Variants in RAB3IP observed in about 807,000 individuals in gnomAD.
RAB3IP encodes RAB3A interacting protein, also known as rab-3A-interacting protein.
In RAB3IP, 36 loss-of-function variants were observed where a neutral mutation model predicts 59.1. That is an observed-to-expected ratio of 0.61 (90% confidence interval 0.47 to 0.80). The LOEUF is 0.80. Among genes scored for constraint, RAB3IP ranks in the 30% least tolerant of loss-of-function variants. The probability of loss-of-function intolerance (pLI) is 0.00; values close to 1 mark genes in which losing one functional copy is unlikely to be tolerated. For missense variants in RAB3IP, 511 were observed against 536.0 expected (o/e 0.95, Z 0.46); for synonymous variants, 207 against 191.2 (o/e 1.08, Z -0.68).
rs983681904 is a variant in RAB3IP, at chr12:69,809,296, T to A, written c.1131-3482T>A. Among the ~76,000 whole-genome samples, 23 of 152,326 alleles carry A rather than the reference T, an allele frequency of 1.5e-4. No homozygotes were observed. The East Asian group carries it at 3.3e-3, about 22-fold the overall frequency. On this transcript the variant is annotated intron_variant, in intron 8 of 10. Coordinates refer to ENST00000247833, the MANE Select transcript of RAB3IP (RefSeq NM_022456.5). ...TGTTAGTCTGATGGGCTTCCCTTTG[T>A]GGGTAACCCGACCTTTCTCTCTGGC...
At chr12:69,746,263 T>C (rs566937982) in intron 1 of RAB3IP, among the ~76,000 whole-genome samples, 1 of 151,228 alleles carries the variant, frequency 6.6e-6, no homozygotes, top group Non-Finnish European at 1.5e-5. Context: ...GGATAAACTT[T>C]AAGCAACATT....
intron 8 of RAB3IP, among the ~76,000 whole-genome samples, chr12:69,807,290 GCGC>G (rs1772135108): frequency 6.7e-6 from 1 of 150,002 alleles, no homozygotes; most frequent in East Asian, 2.0e-4. Flanking sequence ...CCGGGCAGAG[GCGC>G]TCCTCACCTC....
At chr12:69,798,622 T>C (rs1029767213) in intron 6 of RAB3IP, among the ~76,000 whole-genome samples, 1 of 152,200 alleles carries the variant, frequency 6.6e-6, no homozygotes, top group African/African-American at 2.4e-5. Flanking sequence ...TGAATGGTAT[T>C]GCATAGGTTT....
At chr12:69,796,938 T>C (rs1167897454) in intron 6 of RAB3IP, among the ~76,000 whole-genome samples, 1 of 152,226 alleles carries the variant, frequency 6.6e-6, no homozygotes, top group East Asian at 1.9e-4. Flanking sequence ...AAAATGTGCA[T>C]AGGCAGCATA....
intron 8 of RAB3IP, among the ~76,000 whole-genome samples, chr12:69,803,383 CTAAG>C (rs375055850): frequency 7.9e-5 from 12 of 152,076 alleles, no homozygotes; most frequent in Non-Finnish European, 8.8e-5. Flanking sequence ...AAGATAATGA[CTAAG>C]TGAGTGGCAC....
intron 4 of RAB3IP, among the ~76,000 whole-genome samples, chr12:69,785,361 T>C (rs1196792693): frequency 6.6e-6 from 1 of 152,174 alleles, no homozygotes; most frequent in Non-Finnish European, 1.5e-5. Context: ...ACAGAGCCTA[T>C]ATACATATAC....
chr12:69,753,222 A>G (rs1406437349), intron 1 of RAB3IP, among the ~76,000 whole-genome samples: 1 of 152,152 alleles, frequency 6.6e-6, no homozygotes, highest in African/African-American at 2.4e-5. Context: ...CTTTGCTGAA[A>G]TCTTTTTGTT....
chr12:69,803,948 G>A (rs1451243966), intron 8 of RAB3IP, among the ~76,000 whole-genome samples: 34 of 152,222 alleles, frequency 2.2e-4, no homozygotes, highest in South Asian at 1.0e-3. Flanking sequence ...GAATAGTGCC[G>A]CAATAAACAT....
chr12:69,756,547 G>A lies in RAB3IP; in HGVS notation c.394G>A (p.Asp132Asn). The A allele has an allele frequency of 3.7e-6, 6 of 1,614,154 alleles. No homozygotes were observed. In the South Asian group the frequency reaches 4.4e-5, roughly 12 times the overall value. ...TATAACAGAGGCTTGCGATGGCAGT[G>A]ATGATATTTTTGGGTTGAGTACTGA... ...ATITEACDGS[D>N]DIFGLSTDSL... is the part of the protein sequence containing the mutation. The change falls in exon 3 of 11, where the codon GAT becomes AAT. Residue 132 changes from aspartate (D) to asparagine (N), a missense_variant. Physicochemically the swap from Asp to Asn is conservative, Grantham distance 23. Coordinates refer to ENST00000247833, the MANE Select transcript of RAB3IP (RefSeq NM_022456.5).
chr12:69,794,468 T>C lies in RAB3IP; in HGVS notation c.638T>C (p.Ile213Thr), dbSNP rs552412802. The C allele has an allele frequency of 2.5e-6, 4 of 1,613,294 alleles. No individual in the cohort carries two copies. Among genetic ancestry groups the C allele is most frequent in the Middle Eastern group, 1.7e-4 (1 of 6,054 alleles). ...CATAAAATGGTGAGAGAAGCAAATA[T>C]CAAGCAGGCAACAGCAGAAAAACAG... is the stretch of plus-strand genomic sequence containing the variant. ...EAHKMVREAN[I>T]KQATAEKQLK... is the part of the protein sequence containing the mutation. The change falls in exon 5 of 11, where the codon ATC becomes ACC. Residue 213 changes from isoleucine to threonine, a missense_variant. Physicochemically the swap from Ile to Thr is moderately conservative, Grantham distance 89. Transcript: ENST00000247833.
intron 1 of RAB3IP, among the ~76,000 whole-genome samples, chr12:69,742,534 G>A (rs1022725961): frequency 6.6e-6 from 1 of 152,114 alleles, no homozygotes; most frequent in African/African-American, 2.4e-5. Flanking sequence ...TTATTGGCAA[G>A]GTGGTCTCTT....
chr12:69,772,845 TTAGAG>T (rs769131847), intron 3 of RAB3IP, among the ~76,000 whole-genome samples: 3 of 152,190 alleles, frequency 2.0e-5, no homozygotes, highest in Non-Finnish European at 2.9e-5. Context: ...TATTACAATA[TTAGAG>T]TATTCTGAAT....
chr12:69,787,038 A>G (rs1875789743), intron 4 of RAB3IP, among the ~76,000 whole-genome samples: 1 of 152,130 alleles, frequency 6.6e-6, no homozygotes, highest in African/African-American at 2.4e-5. Flanking sequence ...TCTGTTTACC[A>G]TTGTCTTATG....
chr12:69,806,133 T>C (rs1364982093), intron 8 of RAB3IP, among the ~76,000 whole-genome samples: 1 of 152,228 alleles, frequency 6.6e-6, no homozygotes, highest in African/African-American at 2.4e-5. Context: ...GTCTGGACTT[T>C]TTTTGGTTGG....
At chr12:69,786,536 G>A (rs1875678697) in intron 4 of RAB3IP, among the ~76,000 whole-genome samples, 1 of 152,122 alleles carries the variant, frequency 6.6e-6, no homozygotes, top group Admixed American at 6.5e-5. Context: ...TTATACAGAA[G>A]CATTAGATTT....
intron 3 of RAB3IP, among the ~76,000 whole-genome samples, chr12:69,770,761 A>G (rs1477055232): frequency 1.3e-5 from 2 of 152,184 alleles, no homozygotes; most frequent in Non-Finnish European, 2.9e-5. Context: ...AGTATGGTGT[A>G]TATTTACACA....
At position 69,797,921 on chromosome 12, in the gene RAB3IP, C is replaced by T. The variant is rs1484846511; in HGVS notation, c.889-2288C>T. Among the ~76,000 whole-genome samples, 3 of 152,102 alleles carry T rather than the reference C, an allele frequency of 2.0e-5. No individual in the cohort carries two copies. In the East Asian group the frequency reaches 5.8e-4, roughly 29 times the overall value. On this transcript the variant is annotated intron_variant, in intron 6 of 10. Coordinates refer to ENST00000247833, the MANE Select transcript of RAB3IP (RefSeq NM_022456.5). ...GCCACATTTTCTTAATCCAGTCTAT[C>T]ATTGTTGGACATTTGGGTTGGTTCC...
At chr12:69,749,057 A>G (rs1334381231) in intron 1 of RAB3IP, among the ~76,000 whole-genome samples, 1 of 152,200 alleles carries the variant, frequency 6.6e-6, no homozygotes, top group Admixed American at 6.5e-5. Flanking sequence ...GCATTGTCCT[A>G]AGTGCTATAT....
chr12:69,795,193 G>C lies in RAB3IP; in HGVS notation c.737G>C (p.Ser246Thr), dbSNP rs139596365. 10 of 1,614,060 alleles carry C rather than the reference G, an allele frequency of 6.2e-6. No homozygotes were observed. Among genetic ancestry groups the C allele is most frequent in the Non-Finnish European group, 8.5e-6 (10 of 1,179,982 alleles). ...GCATTGAAGACACTTGTATTGTCCAGTTCTCCAACATCACCTACGCAGGAG... is the reference window on the plus strand; with the variant it reads ...GCATTGAAGACACTTGTATTGTCCACTTCTCCAACATCACCTACGCAGGAG... Reference protein sequence around the residue: ...VAALKTLVLSSSPTSPTQEPL... With the variant: ...VAALKTLVLSTSPTSPTQEPL... Residue 246 changes from serine to threonine, a missense_variant, in exon 6 of 11, where the codon AGT (serine) becomes ACT (threonine). Ser to Thr is a moderately conservative substitution (Grantham distance 58). Coordinates refer to ENST00000247833, the MANE Select transcript of RAB3IP (RefSeq NM_022456.5).
Sources: allele counts gnomAD v4.1 joint callset (sites outside exome capture counted in the v4.1 genomes callset), GRCh38; gene constraint gnomAD v4.1.1; transcripts MANE v1.5; gene names NCBI Gene and HGNC (gene_info 2026-07-23, HGNC 2026-07-21).